RPGRIP1: variants seen among roughly 807,000 people sequenced by gnomAD.
RPGRIP1 encodes X-linked retinitis pigmentosa GTPase regulator-interacting protein 1.
RPGRIP1 carries 128 observed loss-of-function variants against 157.9 expected under a neutral mutation model. The ratio of observed to expected loss-of-function variants is 0.81; its 90% CI spans 0.70 to 0.94. RPGRIP1 has a LOEUF of 0.94. Among genes scored for constraint, RPGRIP1 ranks in the 40% least tolerant of loss-of-function variants. The probability of loss-of-function intolerance (pLI) is 0.00; values close to 1 mark genes in which losing one functional copy is unlikely to be tolerated. For synonymous variants in RPGRIP1, 554 were observed against 571.6 expected, an observed-to-expected ratio of 0.97 and a Z score of 0.44; for missense variants, 1,486 against 1,545.8, an observed-to-expected ratio of 0.96 and a Z score of 0.65.
intron 6 of RPGRIP1, among the ~76,000 whole-genome samples, chr14:21,303,778 G>C (rs1341487332): frequency 1.3e-5 from 2 of 151,968 alleles, no homozygotes; most frequent in African/African-American, 4.8e-5. Flanking sequence ...CCTGAGGTCA[G>C]GAGTTCGAGA....
chr14:21,343,883 T>G (rs1263678248), intron 22 of RPGRIP1, among the ~76,000 whole-genome samples: 4 of 70,430 alleles, frequency 5.7e-5, no homozygotes, highest in African/African-American at 1.9e-4. Flanking sequence ...TTTTTTTTTT[T>G]TTTTTTTTTT....
Position 21,326,037 on chromosome 14 carries a change from C to G in RPGRIP1, c.2574C>G (p.Thr858=). ...AGGCTCGATTCCCAGTGCTTGTGAC[C>G]TCTGACCTGGACCATTATCTGAGAC... ...RDQARFPVLV[T]SDLDHYLRRE... The change falls in exon 17 of 25, where the codon ACC becomes ACG. Residue 858 remains threonine, a synonymous_variant. Coordinates refer to ENST00000400017, the MANE Select transcript of RPGRIP1 (RefSeq NM_020366.4). 6.2e-7 allele frequency: 1 copy of G among 1,613,992 alleles called. No homozygotes were observed. The highest frequency in any genetic ancestry group is 8.5e-7 in the Non-Finnish European group (1 of 1,179,890).
chr14:21,343,751 C>G (rs1885257751), intron 22 of RPGRIP1, among the ~76,000 whole-genome samples: 1 of 152,052 alleles, frequency 6.6e-6, no homozygotes, highest in South Asian at 2.1e-4. Flanking sequence ...CTTGGCCTCC[C>G]AAAGTGCTGG....
intron 10 of RPGRIP1, chr14:21,317,433 C>G (rs1329034881): frequency 1.4e-6 from 1 of 722,464 alleles, no homozygotes; most frequent in Non-Finnish European, 2.2e-6. Context: ...TGGAGAAGTT[C>G]CTTGGGAAAT....
intron 7 of RPGRIP1, among the ~76,000 whole-genome samples, chr14:21,308,236 TAC>T (rs1415047243): frequency 6.6e-6 from 1 of 152,232 alleles, no homozygotes; most frequent in Non-Finnish European, 1.5e-5. Context: ...CCCAGATATT[TAC>T]AGTCATGATC....
In RPGRIP1 at chr14:21,285,048, T is replaced by C. The variant is rs113964405; in HGVS notation, c.-38-2891T>C. 9.0e-4 allele frequency among the ~76,000 whole-genome samples: 137 copies of C among 152,120 alleles called. 4 individuals carry two copies. Among genetic ancestry groups the C allele is most frequent in the African/African-American group, 3.1e-3 (127 of 41,422 alleles). On this transcript the variant is annotated intron_variant, in intron 1 of 24. Coordinates refer to ENST00000400017, the MANE Select transcript of RPGRIP1 (RefSeq NM_020366.4). ...TGTTCGGGTACTGCATCTATAGAGG[T>C]AAACAAGATAAACCATTTTTCTGCC... is the stretch of plus-strand genomic sequence containing the variant.
At position 21,320,145 on chromosome 14, in the gene RPGRIP1, C is replaced by G. The variant is rs762681847; in HGVS notation, c.1435C>G (p.Pro479Ala). 6.2e-7 allele frequency: 1 copy of G among 1,613,906 alleles called. No homozygotes were observed. The highest frequency in any genetic ancestry group is 8.5e-7 in the Non-Finnish European group (1 of 1,179,862). Reference protein sequence around the residue: ...PDRQSEPATHPAVLQENTQIE... With the variant: ...PDRQSEPATHAAVLQENTQIE... ...CAGGCAATCTGAACCAGCCACTCAC[C>G]CAGCTGTATTGCAAGAGAACACTCA... The change falls in exon 12 of 25, where the codon CCA (proline) becomes GCA (alanine). Residue 479 changes from proline (P) to alanine (A), a missense_variant. By Grantham distance (27) the Pro-to-Ala change is conservative. Coordinates refer to ENST00000400017, the MANE Select transcript of RPGRIP1 (RefSeq NM_020366.4).
At chr14:21,302,683 C>A in intron 5 of RPGRIP1, 99 bp downstream of exon 5, 1 of 747,468 alleles carries the variant, frequency 1.3e-6, no homozygotes, top group Non-Finnish European at 2.1e-6. Flanking sequence ...TGAGTCTTTT[C>A]AGCATGATCA....
chr14:21,308,721 A>G (rs1881419492), intron 7 of RPGRIP1, among the ~76,000 whole-genome samples: 3 of 152,136 alleles, frequency 2.0e-5, no homozygotes, highest in Admixed American at 2.0e-4. Flanking sequence ...CTGTACTGAG[A>G]CAGAGGGAGA....
Position 21,325,998 on chromosome 14 carries a change from C to A in RPGRIP1, c.2535C>A (p.Pro845=). Residue 845 remains proline, a synonymous_variant, in exon 17 of 25, where the codon CCC becomes CCA. Transcript: ENST00000400017. ...DTAIIPASNN[P]YFRDQARFPV... Reference sequence around the variant, plus strand: ...CCATCATTCCAGCCAGTAACAACCCCTACTTTAGAGACCAGGCTCGATTCC... The same window carrying A: ...CCATCATTCCAGCCAGTAACAACCCATACTTTAGAGACCAGGCTCGATTCC... 4 of 1,614,036 alleles carry A rather than the reference C, an allele frequency of 2.5e-6. No individual in the cohort carries two copies. The East Asian group carries it at 8.9e-5, about 36-fold the overall frequency.
At chr14:21,326,412 G>A (rs1594217563) in intron 17 of RPGRIP1, among the ~76,000 whole-genome samples, 2 of 152,326 alleles carry the variant, frequency 1.3e-5, no homozygotes, top group Admixed American at 1.3e-4. Flanking sequence ...AGTGGGTAGA[G>A]CCAGCAACCT....
rs565424366 is a variant in RPGRIP1 at position 21,325,669 on chromosome 14, C to G, written c.2368-162C>G. 144 of 662,124 alleles carry G rather than the reference C, an allele frequency of 2.2e-4. No individual in the cohort carries two copies. In the African/African-American group the frequency reaches 2.5e-3, roughly 11 times the overall value. 41.0% of individuals were successfully genotyped at this position (662,124 alleles called of 1,614,324 possible). On this transcript the variant is annotated intron_variant, in intron 16 of 24. Transcript: ENST00000400017. ...GCCAGTATCTCCCTGAAATAACTGC[C>G]AGAGCCAGTTTGCAGGCAGGTGAAG...
At chr14:21,339,016 A>G (rs1365911480) in intron 21 of RPGRIP1, among the ~76,000 whole-genome samples, 1 of 152,102 alleles carries the variant, frequency 6.6e-6, no homozygotes, top group Non-Finnish European at 1.5e-5. Context: ...GGTGCCTGTA[A>G]TCCCAGCTAC....
Position 21,288,000 on chromosome 14 carries a change from A to G in RPGRIP1, c.24A>G (p.Thr8=). ...TCATGTCACATCTGGTGGACCCTAC[A>G]TCAGGAGACTTGCCAGTTAGAGACA... MSHLVDP[T]SGDLPVRDID... Residue 8 remains threonine (T), a synonymous_variant, in exon 2 of 25, where the codon ACA becomes ACG. Transcript: ENST00000400017. 1 of 1,613,466 alleles carries G rather than the reference A, an allele frequency of 6.2e-7. No individual in the cohort carries two copies. Among genetic ancestry groups the G allele is most frequent in the East Asian group, 2.2e-5 (1 of 44,878 alleles).
chr14:21,330,425 T>A, intron 20 of RPGRIP1, 38 bp downstream of exon 20: 1 of 1,390,732 alleles, frequency 7.2e-7, no homozygotes. Flanking sequence ...TCCTAGCACT[T>A]TGGGAGGCCG....
intron 9 of RPGRIP1, 31 bp from the exon 10 acceptor site, chr14:21,312,402 A>AT (rs1260099409): frequency 4.6e-6 from 7 of 1,528,498 alleles, no homozygotes; most frequent in Non-Finnish European, 6.3e-6. Context: ...AGATTTTAAC[A>AT]TTTTATCTCA....
At chr14:21,315,972 T>C (rs2139183145) in intron 10 of RPGRIP1, among the ~76,000 whole-genome samples, 1 of 112,052 alleles carries the variant, frequency 8.9e-6, no homozygotes, top group South Asian at 3.1e-4. Flanking sequence ...CTAATTTTTG[T>C]GGTTTTTTTT....
chr14:21,344,989 C>T, intron 22 of RPGRIP1, 124 bp from the exon 23 acceptor site: 1 of 677,874 alleles, frequency 1.5e-6, no homozygotes, highest in Non-Finnish European at 2.7e-6. Flanking sequence ...CCATGTTATT[C>T]TAGATCCAGG....
chr14:21,316,782 A>C (rs1356967007), intron 10 of RPGRIP1, among the ~76,000 whole-genome samples: 4 of 152,144 alleles, frequency 2.6e-5, no homozygotes, highest in Admixed American at 2.6e-4. Context: ...AAAAGAAATA[A>C]TTGTTTGATT....
Sources: gnomAD v4.1 joint callset for allele counts (sites outside exome capture counted in the v4.1 genomes callset) on GRCh38, gnomAD v4.1.1 for gene constraint, MANE v1.5 for transcripts, NCBI Gene and HGNC (gene_info 2026-07-23, HGNC 2026-07-21) for gene names.